The following DNAJB13 variants were observed in gnomAD, a reference collection of about 807,000 sequenced individuals.
The protein encoded by DNAJB13 is dnaJ homolog subfamily B member 13.
In DNAJB13, 22 loss-of-function variants were observed where a neutral mutation model predicts 35.6. That is an observed-to-expected ratio of 0.62 (90% CI 0.44 to 0.88). The LOEUF (loss-of-function observed/expected upper bound fraction) is 0.88, where lower values mean the gene tolerates loss of function less well. DNAJB13 is among the 40% of genes least tolerant of loss of function. The pLI, the probability that DNAJB13 is intolerant of heterozygous loss-of-function variation, is 0.00. For synonymous variants in DNAJB13, 136 were observed against 144.2 expected (o/e 0.94, Z 0.41); for missense variants, 370 against 384.3 (o/e 0.96, Z 0.31).
At position 73,951,114 on chromosome 11, in the gene DNAJB13, A is replaced by G. The variant is rs536241866; in HGVS notation, c.45A>G (p.Ser15=). Residue 15 remains serine (S), a synonymous_variant, in exon 1 of 8, where the codon TCA becomes TCG. Transcript: ENST00000339764. ...CTGTGCTCGGGATCACTCGCAATTCAGAGGATGCCCAGATCAAGCAGGCGT... is the reference window on the plus strand; with the variant it reads ...CTGTGCTCGGGATCACTCGCAATTCGGAGGATGCCCAGATCAAGCAGGCGT... The part of the protein sequence containing the change: ...YYSVLGITRN[S]EDAQIKQAYR... 45 of 1,614,138 alleles carry G rather than the reference A, an allele frequency of 2.8e-5. No individual in the cohort carries two copies. The highest frequency in any genetic ancestry group is 3.3e-4 in the Middle Eastern group (2 of 6,060).
intron 3 of DNAJB13, chr11:73,963,827 C>G (rs1951005040): frequency 6.6e-6 from 1 of 152,182 alleles, no homozygotes; most frequent in Admixed American, 6.5e-5. Flanking sequence ...AATATGAAAA[C>G]TCTTAACCAT....
chr11:73,964,541 T>TA (rs1951025343), intron 3 of DNAJB13: 3 of 275,858 alleles, frequency 1.1e-5, no homozygotes, highest in East Asian at 1.1e-4. Context: ...CAGCCAGAGT[T>TA]ACGGTATCCG....
At chr11:73,957,469 C>A (rs567656671) in intron 1 of DNAJB13, among the ~76,000 whole-genome samples, 5 of 152,336 alleles carry the variant, frequency 3.3e-5, no homozygotes, top group African/African-American at 7.2e-5. Flanking sequence ...ATCTCTCCCC[C>A]ACCCCGGGTC....
At position 73,959,592 on chromosome 11, in the gene DNAJB13, G is replaced by A. The variant is rs200540532; in HGVS notation, c.271G>A (p.Val91Ile). 1.6e-5 allele frequency: 26 copies of A among 1,614,156 alleles called. No individual in the cohort carries two copies. Among genetic ancestry groups the A allele is most frequent in the East Asian group, 4.5e-5 (2 of 44,884 alleles). The stretch of plus-strand genomic sequence containing the variant: ...CCAGACCCCATGGACAACTGGTTAC[G>A]TCTTCCATGGCAAACCTGAAAAGGT... ...GSQTPWTTGY[V>I]FHGKPEKVFH... is the part of the protein sequence containing the mutation. The change falls in exon 3 of 8, where the codon GTC (valine) becomes ATC (isoleucine). Residue 91 changes from valine (V) to isoleucine (I), a missense_variant. Val to Ile is a conservative substitution (Grantham distance 29). Coordinates refer to ENST00000339764, the MANE Select transcript of DNAJB13 (RefSeq NM_153614.4).
intron 3 of DNAJB13, among the ~76,000 whole-genome samples, chr11:73,960,448 C>T (rs1178576364): frequency 6.6e-6 from 1 of 152,210 alleles, no homozygotes; most frequent in Non-Finnish European, 1.5e-5. Context: ...TCCCAAAGTG[C>T]TGGGATTACA....
Position 73,955,232 on chromosome 11 carries a change from G to A in DNAJB13, c.69-3085G>A, listed in dbSNP as rs563498883. On this transcript the variant is annotated intron_variant, in intron 1 of 7. Transcript: ENST00000339764. ...CACTCAGGAAAGCAGGTGAATGAGAGTGATGTTATTGCAGGGATAATTTTG... is the reference window on the plus strand; with the variant it reads ...CACTCAGGAAAGCAGGTGAATGAGAATGATGTTATTGCAGGGATAATTTTG... 5.3e-5 allele frequency among the ~76,000 whole-genome samples: 8 copies of A among 152,016 alleles called. No homozygotes were observed. The East Asian group carries it at 9.7e-4, about 18-fold the overall frequency.
intron 4 of DNAJB13, chr11:73,965,432 CA>C (rs1951083313): frequency 6.0e-6 from 1 of 167,180 alleles, no homozygotes; most frequent in Non-Finnish European, 1.3e-5. Flanking sequence ...TAAGAAAGAA[CA>C]GTGGGCATGG....
At position 73,970,196 on chromosome 11, in the gene DNAJB13, G is replaced by A. The variant is rs1210024448; in HGVS notation, c.*82G>A. 2 of 1,500,546 alleles carry A rather than the reference G, an allele frequency of 1.3e-6. No individual in the cohort carries two copies. Among genetic ancestry groups the A allele is most frequent in the African/African-American group, 2.8e-5 (2 of 71,776 alleles). The allele number at this position is 1,500,546 out of a possible 1,614,324, so 93.0% of individuals were successfully genotyped here. On this transcript the variant is annotated 3_prime_UTR_variant, in exon 8 of 8. Coordinates refer to ENST00000339764, the MANE Select transcript of DNAJB13 (RefSeq NM_153614.4). ...ACCCGCCACAGCCTCAGGGTGTGCA[G>A]GGGAGCCTGCTGCACAGATATGATA... is the stretch of plus-strand genomic sequence containing the variant.
intron 2 of DNAJB13, 62 bp downstream of exon 2, chr11:73,958,482 G>A: frequency 1.3e-6 from 2 of 1,485,578 alleles, no homozygotes; most frequent in Non-Finnish European, 1.9e-6. Context: ...TCTCTAGACT[G>A]TTGGGTTTTC....
rs769548744 is a variant in DNAJB13 at position 73,969,346 on chromosome 11, CA to C, written c.797+25del. On this transcript the variant is annotated intron_variant, in intron 7 of 7. Coordinates refer to ENST00000339764, the MANE Select transcript of DNAJB13 (RefSeq NM_153614.4). ...CAGTGAGTCCATCTGCCTTGGGCCC[CA>C]GTAGCCAAGAGAAGGGCTAGCCTGG... is the stretch of plus-strand genomic sequence containing the variant. 8 of 870,288 alleles carry C rather than the reference CA, an allele frequency of 9.2e-6. No individual in the cohort carries two copies. In the Admixed American group the frequency reaches 1.0e-4, roughly 11 times the overall value. The allele number at this position is 870,288 out of a possible 1,614,324, so 53.9% of individuals were successfully genotyped here. A position where few individuals can be genotyped will look rare whatever the true frequency, so the allele number is the denominator to read the frequency against.
At chr11:73,959,400 C>T (rs558222126) in intron 2 of DNAJB13, 94 bp from the exon 3 acceptor site, 57 of 1,442,124 alleles carry the variant, frequency 4.0e-5, no homozygotes, top group South Asian at 1.1e-4. Context: ...TGCTTCTGCC[C>T]CTTCCCTTTC....
At chr11:73,968,074 C>A in intron 5 of DNAJB13, 1 of 496,696 alleles carries the variant, frequency 2.0e-6, no homozygotes, top group Non-Finnish European at 3.5e-6. Flanking sequence ...ACCTGCCTGC[C>A]GTCTGAGGAA....
chr11:73,958,396 G>GAGGCCT lies in DNAJB13; in HGVS notation c.150_155dup (p.Ala51_Tyr52insTer), dbSNP rs1230679946. On this transcript the variant is annotated stop_gained and inframe_insertion, in exon 2 of 8. Transcript: ENST00000339764. LOFTEE classifies it high-confidence loss of function. ...AGCAGAGATTTTCAGGCAAATAGCA[G>GAGGCCT]AGGCCTACGACGTGCTGAGTGACCG... 1.2e-6 allele frequency: 2 copies of GAGGCCT among 1,614,190 alleles called. No individual in the cohort carries two copies. The highest frequency in any genetic ancestry group is 1.1e-5 in the South Asian group (1 of 91,086).
rs1030070014 is a variant in DNAJB13 at position 73,964,779 on chromosome 11, G to C, written c.335-99G>C. Reference sequence around the variant, plus strand: ...GGATAGGGAGGCTGTGTGTGTGTGTGTGTGTGTGTGTGTGTGTGTGTGTGT... The same window carrying C: ...GGATAGGGAGGCTGTGTGTGTGTGTCTGTGTGTGTGTGTGTGTGTGTGTGT... On this transcript the variant is annotated intron_variant, in intron 3 of 7. Coordinates refer to ENST00000339764, the MANE Select transcript of DNAJB13 (RefSeq NM_153614.4). 448 of 631,286 alleles carry C rather than the reference G, an allele frequency of 7.1e-4. 9 individuals are homozygous for C. In the African/African-American group the frequency reaches 0.011, roughly 15 times the overall value. 39.1% of individuals were successfully genotyped at this position (631,286 alleles called of 1,614,324 possible).
intron 3 of DNAJB13, among the ~76,000 whole-genome samples, chr11:73,961,817 T>A (rs1471288870): frequency 1.3e-5 from 2 of 152,188 alleles, no homozygotes; most frequent in Non-Finnish European, 2.9e-5. Context: ...ATTATTAAAG[T>A]CTTGCTCTGT....
In DNAJB13 at chr11:73,951,145, G is replaced by A. The variant is rs764222793; in HGVS notation, c.68+8G>A. 7 of 1,614,002 alleles carry A rather than the reference G, an allele frequency of 4.3e-6. No individual in the cohort carries two copies. Among genetic ancestry groups the A allele is most frequent in the Non-Finnish European group, 5.9e-6 (7 of 1,179,994 alleles). On this transcript the variant is annotated splice_region_variant and intron_variant, in intron 1 of 7. Coordinates refer to ENST00000339764, the MANE Select transcript of DNAJB13 (RefSeq NM_153614.4). ...TGCCCAGATCAAGCAGGCGTAAGTT[G>A]GGGTGGGAGCCAGGCCTTAGGGGTG...
chr11:73,969,841 G>T, intron 7 of DNAJB13, 120 bp from the exon 8 acceptor site: 1 of 1,320,238 alleles, frequency 7.6e-7, no homozygotes, highest in East Asian at 2.5e-5. Context: ...ACCACTCCAG[G>T]TGAAGACTGC....
At chr11:73,955,335 G>GTC (rs1164922274) in intron 1 of DNAJB13, among the ~76,000 whole-genome samples, 4 of 145,434 alleles carry the variant, frequency 2.8e-5, no homozygotes, top group South Asian at 2.2e-4. Flanking sequence ...TTGAAACGGA[G>GTC]TCTCTCTCTG....
rs1218230847 is a variant in DNAJB13 at position 73,966,143 on chromosome 11, G to A, written c.498G>A (p.Leu166=). ...CACCTGATATGTTGCTATAGGTGCT[G>A]AACGAGGATGGGTACTCCTCCACCA... ...TKKIKISRRV[L]NEDGYSSTIK... is the part of the protein sequence containing the mutation. Residue 166 remains leucine, a synonymous_variant, in exon 5 of 8, where the codon CTG becomes CTA. Transcript: ENST00000339764. 2.5e-6 allele frequency: 4 copies of A among 1,612,350 alleles called. No homozygotes were observed. The highest frequency in any genetic ancestry group is 3.4e-6 in the Non-Finnish European group (4 of 1,179,476).
Sources: allele counts gnomAD v4.1 joint callset (sites outside exome capture counted in the v4.1 genomes callset), GRCh38; gene constraint gnomAD v4.1.1; transcripts MANE v1.5; gene names NCBI Gene and HGNC (gene_info 2026-07-23, HGNC 2026-07-21).